The following RAB9A variants were observed in gnomAD, a reference collection of about 807,000 sequenced individuals.
RAB9A encodes ras-related protein Rab-9A.
Under a neutral mutation model 10.3 loss-of-function variants are expected in RAB9A, and 1 was observed. The ratio of observed to expected loss-of-function variants is 0.10; its 90% CI spans 0.03 to 0.46. The LOEUF is 0.46. RAB9A is among the 20% of genes least tolerant of loss of function. The probability of loss-of-function intolerance (pLI) is 0.96; values close to 1 mark genes in which losing one functional copy is unlikely to be tolerated. For synonymous variants in RAB9A, 39 were observed against 55.2 expected, an observed-to-expected ratio of 0.71 and a Z score of 1.30; for missense variants, 92 against 150.3, an observed-to-expected ratio of 0.61 and a Z score of 2.03.
At chrX:13,705,312 C>T (rs2046192534) in intron 2 of RAB9A, among the ~76,000 whole-genome samples, 1 of 111,117 alleles carries the variant, frequency 9.0e-6, no homozygotes. Flanking sequence ...ATTATTTTAG[C>T]AAATGCAAAT....
At chrX:13,700,299 C>T (rs2046167377) in intron 1 of RAB9A, among the ~76,000 whole-genome samples, 1 of 111,561 alleles carries the variant, frequency 9.0e-6, no homozygotes, top group Non-Finnish European at 1.9e-5. Flanking sequence ...CTATTCTTCC[C>T]CTTGGTTTAT....
intron 1 of RAB9A, among the ~76,000 whole-genome samples, chrX:13,694,093 T>G (rs772429873): frequency 8.9e-6 from 1 of 111,918 alleles, no homozygotes; most frequent in African/African-American, 3.3e-5. Context: ...TTGGATTAGA[T>G]TTTTGGGTAC....
At chrX:13,694,176 GA>G (rs1357133123) in intron 1 of RAB9A, among the ~76,000 whole-genome samples, 18 of 107,490 alleles carry the variant, frequency 1.7e-4, no homozygotes, top group African/African-American at 2.4e-4. Context: ...AAAAACCTGG[GA>G]AAAAAAAAAG....
At chrX:13,701,115 A>G (rs1453835905) in intron 1 of RAB9A, among the ~76,000 whole-genome samples, 8 of 110,959 alleles carry the variant, frequency 7.2e-5, no homozygotes, top group Admixed American at 5.7e-4. Context: ...TGTTTATAGT[A>G]TATTCACAGA....
intron 1 of RAB9A, among the ~76,000 whole-genome samples, chrX:13,701,295 A>G (rs2046172728): frequency 9.0e-6 from 1 of 110,600 alleles, no homozygotes; most frequent in African/African-American, 3.3e-5. Flanking sequence ...AACATTTTAT[A>G]TAAATGGAAT....
chrX:13,700,920 C>T (rs1329764880), intron 1 of RAB9A, among the ~76,000 whole-genome samples: 2 of 110,700 alleles, frequency 1.8e-5, no homozygotes, highest in African/African-American at 6.6e-5. Context: ...TACAGGCATG[C>T]GCCACCATGT....
chrX:13,707,259 A>T (rs2046202056), intron 2 of RAB9A, among the ~76,000 whole-genome samples: 1 of 112,203 alleles, frequency 8.9e-6, no homozygotes, highest in South Asian at 3.7e-4. Context: ...ATCTTCTTAT[A>T]TACATTTTAG....
At chrX:13,689,945 A>AT (rs1426328598) in intron 1 of RAB9A, among the ~76,000 whole-genome samples, 2 of 103,715 alleles carry the variant, frequency 1.9e-5, no homozygotes, top group Non-Finnish European at 3.9e-5. Flanking sequence ...TGAACTTAAT[A>AT]AATAGTTGGT....
chrX:13,692,349 C>T (rs967492152), intron 1 of RAB9A, among the ~76,000 whole-genome samples: 7 of 111,470 alleles, frequency 6.3e-5, no homozygotes, highest in African/African-American at 2.3e-4. Flanking sequence ...ACTCCACACT[C>T]GGCACAGAAG....
chrX:13,708,032 A>T (rs1390809432), intron 2 of RAB9A, among the ~76,000 whole-genome samples: 1 of 111,297 alleles, frequency 9.0e-6, no homozygotes, highest in Non-Finnish European at 1.9e-5. Context: ...TGTTAAGAGA[A>T]ACATGTGGGC....
chrX:13,690,841 T>TG (rs755449864), intron 1 of RAB9A, among the ~76,000 whole-genome samples: 141 of 111,499 alleles, frequency 1.3e-3, no homozygotes, highest in African/African-American at 4.0e-3. Context: ...TTGAGGAATT[T>TG]GGGGGGGCAT....
At chrX:13,698,123 T>C (rs1327759459) in intron 1 of RAB9A, among the ~76,000 whole-genome samples, 1 of 110,090 alleles carries the variant, frequency 9.1e-6, no homozygotes, top group African/African-American at 3.3e-5. Context: ...TGGATTTTGC[T>C]GCACTATATA....
chrX:13,699,486 G>T (rs779205153), intron 1 of RAB9A, among the ~76,000 whole-genome samples: 38 of 112,551 alleles, frequency 3.4e-4, no homozygotes, highest in Non-Finnish European at 6.0e-4. Flanking sequence ...CCCTCCCAGG[G>T]AGTTGACATT....
At chrX:13,705,244 A>G (rs1420059735) in intron 2 of RAB9A, among the ~76,000 whole-genome samples, 2 of 112,342 alleles carry the variant, frequency 1.8e-5, no homozygotes, top group Non-Finnish European at 3.8e-5. Flanking sequence ...AATGATTTAT[A>G]TCACCATGTG....
intron 2 of RAB9A, among the ~76,000 whole-genome samples, chrX:13,706,975 T>TA (rs2046200444): frequency 8.9e-6 from 1 of 112,178 alleles, no homozygotes. Context: ...ATATAACAAT[T>TA]ATTGTTCATG....
chrX:13,704,657 C>G (rs1332800921), intron 2 of RAB9A, among the ~76,000 whole-genome samples: 1 of 107,717 alleles, frequency 9.3e-6, no homozygotes, highest in Non-Finnish European at 1.9e-5. Context: ...CTCTGTCCCC[C>G]AGGCTAGAGT....
intron 1 of RAB9A, among the ~76,000 whole-genome samples, chrX:13,700,502 CTGGCAATGTGG>C (rs1190848560): frequency 1.8e-5 from 2 of 112,080 alleles, no homozygotes; most frequent in Admixed American, 9.4e-5. Flanking sequence ...GCCGTATCTG[CTGGCAATGTGG>C]TTCATTTGTT....
intron 1 of RAB9A, among the ~76,000 whole-genome samples, chrX:13,699,399 C>G (rs753407276): frequency 8.9e-6 from 1 of 112,247 alleles, no homozygotes; most frequent in Non-Finnish European, 1.9e-5. Flanking sequence ...TTGCACCTCA[C>G]CAAATGTAGA....
intron 1 of RAB9A, among the ~76,000 whole-genome samples, chrX:13,694,135 C>T (rs60543618): frequency 0.27 from 29,440 of 110,044 alleles, 3,081 homozygotes; most frequent in Non-Finnish European, 0.33. Context: ...AAGGTTAGTG[C>T]CCATAAGACT....
Sources: gnomAD v4.1 joint callset for allele counts (sites outside exome capture counted in the v4.1 genomes callset) on GRCh38, gnomAD v4.1.1 for gene constraint, MANE v1.5 for transcripts, NCBI Gene and HGNC (gene_info 2026-07-23, HGNC 2026-07-21) for gene names.